MACROD2: variants seen among roughly 807,000 people sequenced by gnomAD.
MACROD2 encodes the protein mono-ADP ribosylhydrolase 2.
Under a neutral mutation model 70.4 loss-of-function variants are expected in MACROD2, and 36 were observed. That is an observed-to-expected ratio of 0.51 (90% CI 0.39 to 0.68). The LOEUF (loss-of-function observed/expected upper bound fraction) is 0.68, where lower values mean the gene tolerates loss of function less well. Ranked by LOEUF, MACROD2 falls within the 30% of genes least tolerant of loss-of-function variation. The probability of loss-of-function intolerance (pLI) is 0.00; values close to 1 mark genes in which losing one functional copy is unlikely to be tolerated. For missense variants in MACROD2, 496 were observed against 538.4 expected (o/e 0.92, Z 0.78); for synonymous variants, 172 against 178.8 (o/e 0.96, Z 0.30).
chr20:14,315,540 A>T (rs984970427), intron 3 of MACROD2, among the ~76,000 whole-genome samples: 2 of 152,230 alleles, frequency 1.3e-5, no homozygotes, highest in Admixed American at 1.3e-4. Context: ...TTGCATTTTA[A>T]TGAGGCATAT....
intron 3 of MACROD2, among the ~76,000 whole-genome samples, chr20:14,387,525 C>T (rs1173947866): frequency 6.6e-6 from 1 of 152,172 alleles, no homozygotes; most frequent in Non-Finnish European, 1.5e-5. Flanking sequence ...CCTTTGACAG[C>T]TGCTTTAGCC....
At chr20:15,396,005 G>A (rs1449318921) in intron 6 of MACROD2, among the ~76,000 whole-genome samples, 1 of 152,148 alleles carries the variant, frequency 6.6e-6, no homozygotes, top group Non-Finnish European at 1.5e-5. Flanking sequence ...ATAAAATAAC[G>A]TACATCAAGG....
At chr20:15,718,380 G>A (rs1163702233) in intron 8 of MACROD2, among the ~76,000 whole-genome samples, 3 of 152,086 alleles carry the variant, frequency 2.0e-5, no homozygotes, top group Admixed American at 1.3e-4. Context: ...CAAAAACATT[G>A]GCTCCCAACT....
chr20:14,946,607 T>C (rs1415835319), intron 5 of MACROD2, among the ~76,000 whole-genome samples: 1 of 152,136 alleles, frequency 6.6e-6, no homozygotes, highest in African/African-American at 2.4e-5. Flanking sequence ...TGTTGAGATG[T>C]TTTGTATGCT....
chr20:14,887,882 G>A (rs2073700748), intron 5 of MACROD2, among the ~76,000 whole-genome samples: 2 of 149,274 alleles, frequency 1.3e-5, no homozygotes, highest in Admixed American at 6.6e-5. Context: ...AAAAAAACCT[G>A]TGTTCAGCTC....
At chr20:14,295,108 A>G (rs1228676169) in intron 3 of MACROD2, among the ~76,000 whole-genome samples, 1 of 151,808 alleles carries the variant, frequency 6.6e-6, no homozygotes, top group Non-Finnish European at 1.5e-5. Context: ...TTAGTTCATA[A>G]ATTAATAGAA....
chr20:14,664,306 A>G (rs1352160348), intron 4 of MACROD2, among the ~76,000 whole-genome samples: 1 of 152,134 alleles, frequency 6.6e-6, no homozygotes, highest in Non-Finnish European at 1.5e-5. Flanking sequence ...CATATTTCCA[A>G]GACCCACGTT....
intron 2 of MACROD2, among the ~76,000 whole-genome samples, chr20:14,047,107 GGTATATATA>G: frequency 6.6e-6 from 1 of 152,066 alleles, no homozygotes. Flanking sequence ...GCAAAGCAAT[GGTATATATA>G]GTTTTATGAG....
At chr20:14,582,906 G>A (rs76503246) in intron 4 of MACROD2, among the ~76,000 whole-genome samples, 2,772 of 152,240 alleles carry the variant, frequency 0.018, 84 homozygotes, top group African/African-American at 0.064. Flanking sequence ...TTACTCTGGG[G>A]CATACACATC....
At chr20:15,147,356 A>G (rs1163655165) in intron 5 of MACROD2, among the ~76,000 whole-genome samples, 1 of 152,124 alleles carries the variant, frequency 6.6e-6, no homozygotes, top group Non-Finnish European at 1.5e-5. Flanking sequence ...TACATAGGAA[A>G]TTTTGAAATA....
intron 5 of MACROD2, among the ~76,000 whole-genome samples, chr20:15,172,436 A>G (rs1915333801): frequency 6.6e-6 from 1 of 152,198 alleles, no homozygotes; most frequent in South Asian, 2.1e-4. Flanking sequence ...GAGGGTCTCA[A>G]CATCCAGTTG....
chr20:15,923,377 A>G (rs746093664), intron 10 of MACROD2, among the ~76,000 whole-genome samples: 1 of 152,166 alleles, frequency 6.6e-6, no homozygotes, highest in Non-Finnish European at 1.5e-5. Context: ...ATTCACTATC[A>G]TGAGAATAGC....
At chr20:15,098,865 G>A (rs2075852418) in intron 5 of MACROD2, among the ~76,000 whole-genome samples, 2 of 152,222 alleles carry the variant, frequency 1.3e-5, no homozygotes, top group Admixed American at 1.3e-4. Context: ...AAGCTCAGAA[G>A]TGAAAAGCTG....
chr20:14,227,669 G>C (rs2081755150), intron 3 of MACROD2, among the ~76,000 whole-genome samples: 1 of 152,256 alleles, frequency 6.6e-6, no homozygotes, highest in East Asian at 1.9e-4. Context: ...CTTGAAGTCA[G>C]TGAGACCAAG....
At chr20:15,893,290 C>T (rs2064917516) in intron 10 of MACROD2, among the ~76,000 whole-genome samples, 1 of 152,226 alleles carries the variant, frequency 6.6e-6, no homozygotes, top group Non-Finnish European at 1.5e-5. Context: ...TTACCAGTTA[C>T]ATGTTCCAAA....
At chr20:15,919,690 G>A (rs1017341343) in intron 10 of MACROD2, among the ~76,000 whole-genome samples, 6 of 152,076 alleles carry the variant, frequency 3.9e-5, no homozygotes, top group East Asian at 1.9e-4. Context: ...AGCTGAGATC[G>A]CGCCACTGGA....
intron 7 of MACROD2, among the ~76,000 whole-genome samples, chr20:15,471,759 C>T (rs1304591218): frequency 6.6e-6 from 1 of 152,114 alleles, no homozygotes; most frequent in Non-Finnish European, 1.5e-5. Flanking sequence ...GAATTATCCC[C>T]TAATCTTCCT....
At chr20:15,468,562 C>A (rs2046925508) in intron 7 of MACROD2, among the ~76,000 whole-genome samples, 1 of 152,218 alleles carries the variant, frequency 6.6e-6, no homozygotes, top group Non-Finnish European at 1.5e-5. Flanking sequence ...AGTGGCTGTG[C>A]AGTCACAGAG....
At chr20:14,240,028 C>T (rs543185812) in intron 3 of MACROD2, among the ~76,000 whole-genome samples, 11 of 152,166 alleles carry the variant, frequency 7.2e-5, no homozygotes, top group South Asian at 2.1e-4. Context: ...GGGCAATGGA[C>T]GTGAATAAAT....
Sources: allele counts gnomAD v4.1 joint callset (sites outside exome capture counted in the v4.1 genomes callset), GRCh38; gene constraint gnomAD v4.1.1; transcripts MANE v1.5; gene names NCBI Gene and HGNC (gene_info 2026-07-23, HGNC 2026-07-21).